The following MORC1 variants were observed in gnomAD, a reference collection of about 807,000 sequenced individuals.
MORC1 encodes the protein MORC family CW-type zinc finger protein 1.
In MORC1, 59 loss-of-function variants were observed where a neutral mutation model predicts 134.9. The observed-to-expected ratio is 0.44, with a 90% CI of 0.35 to 0.54. The LOEUF is 0.54. Among genes scored for constraint, MORC1 ranks in the 20% least tolerant of loss-of-function variants. The pLI is 0.00. For synonymous variants in MORC1, 395 were observed against 391.7 expected (o/e 1.01, Z -0.10); for missense variants, 947 against 1,134.5 (o/e 0.83, Z 2.37).
chr3:108,985,346 G>A (rs1187910146), intron 22 of MORC1, among the ~76,000 whole-genome samples: 1 of 152,220 alleles, frequency 6.6e-6, no homozygotes, highest in Admixed American at 6.5e-5. Context: ...CACTTGGATT[G>A]TTTTAAGAGT....
intron 9 of MORC1, among the ~76,000 whole-genome samples, chr3:109,067,282 T>C (rs1019527349): frequency 6.6e-6 from 1 of 152,224 alleles, no homozygotes; most frequent in Admixed American, 6.5e-5. Flanking sequence ...ATAACTTGTC[T>C]TTATTATATA....
chr3:109,093,337 G>T, intron 8 of MORC1, 99 bp downstream of exon 8: 1 of 846,944 alleles, frequency 1.2e-6, no homozygotes, highest in East Asian at 2.6e-5. Flanking sequence ...TTGTCCCAGT[G>T]CTAAAACCCA....
chr3:109,051,249 T>G (rs1949819831), intron 14 of MORC1, among the ~76,000 whole-genome samples: 1 of 152,190 alleles, frequency 6.6e-6, no homozygotes, highest in South Asian at 2.1e-4. Context: ...GCTGATTCGA[T>G]TTTTACAAGG....
intron 25 of MORC1, among the ~76,000 whole-genome samples, 176 bp from the exon 26 acceptor site, chr3:108,969,898 A>G (rs1395946543): frequency 6.6e-6 from 1 of 152,230 alleles, no homozygotes; most frequent in East Asian, 1.9e-4. Flanking sequence ...ACTAAATTAT[A>G]CTTTGCTTCC....
At chr3:109,070,085 C>T (rs1950284988) in intron 8 of MORC1, among the ~76,000 whole-genome samples, 1 of 152,130 alleles carries the variant, frequency 6.6e-6, no homozygotes, top group South Asian at 2.1e-4. Flanking sequence ...AGAACAAAGT[C>T]AAGTCAAATC....
At chr3:109,000,472 C>T in intron 21 of MORC1, 85 bp downstream of exon 21, 1 of 1,014,226 alleles carries the variant, frequency 9.9e-7, no homozygotes, top group Non-Finnish European at 1.4e-6. Flanking sequence ...TAAATGTTTC[C>T]ACTACTTTGA....
chr3:108,959,461 A>C (rs1011252069), intron 27 of MORC1, among the ~76,000 whole-genome samples: 6 of 152,120 alleles, frequency 3.9e-5, no homozygotes, highest in African/African-American at 1.2e-4. Flanking sequence ...AAAATTAATG[A>C]ATCTTTAGCC....
chr3:108,979,537 T>C lies in MORC1; in HGVS notation c.2455A>G (p.Arg819Gly), dbSNP rs779998138. ...SQSTPVKETV[R>G]KLKSKLREIL... ...TACCTTAACTTAGACTTCAGTTTTC[T>C]CACTGTTTCCTTGACAGGTGTGCTT... Residue 819 changes from arginine to glycine, a missense_variant, in exon 24 of 28, where the codon AGA becomes GGA. Arg to Gly is a moderately radical substitution (Grantham distance 125). Transcript: ENST00000232603. 2 of 1,613,900 alleles carry C rather than the reference T, an allele frequency of 1.2e-6. No individual in the cohort carries two copies. Among genetic ancestry groups the C allele is most frequent in the African/African-American group, 2.7e-5 (2 of 74,944 alleles).
intron 22 of MORC1, among the ~76,000 whole-genome samples, chr3:108,986,135 T>C (rs141255242): frequency 6.6e-6 from 1 of 152,272 alleles, no homozygotes; most frequent in Admixed American, 6.5e-5. Flanking sequence ...CTAAGATCTT[T>C]AAAACTTATT....
chr3:109,094,108 A>G (rs1238558079), intron 7 of MORC1, among the ~76,000 whole-genome samples: 2 of 152,320 alleles, frequency 1.3e-5, no homozygotes, highest in East Asian at 3.9e-4. Context: ...AATGGAGAAT[A>G]CATAAATGAA....
At chr3:109,101,724 T>C (rs955344468) in intron 4 of MORC1, among the ~76,000 whole-genome samples, 3 of 152,256 alleles carry the variant, frequency 2.0e-5, no homozygotes, top group Non-Finnish European at 2.9e-5. Flanking sequence ...TATACTTACA[T>C]GCACAGCTTA....
intron 9 of MORC1, among the ~76,000 whole-genome samples, chr3:109,068,630 T>G (rs1280969373): frequency 6.6e-6 from 1 of 152,208 alleles, no homozygotes; most frequent in East Asian, 1.9e-4. Flanking sequence ...GCATTTGGGT[T>G]GGCTCCATGA....
At chr3:109,083,496 C>T (rs1028392364) in intron 8 of MORC1, among the ~76,000 whole-genome samples, 19 of 152,150 alleles carry the variant, frequency 1.2e-4, no homozygotes, top group Admixed American at 5.9e-4. Flanking sequence ...TAGTGCTGGG[C>T]GCAGTGGCTC....
intron 21 of MORC1, among the ~76,000 whole-genome samples, chr3:108,995,680 G>A (rs866549705): frequency 1.8e-4 from 27 of 152,262 alleles, no homozygotes; most frequent in African/African-American, 6.0e-4. Flanking sequence ...CAAAAGCTGG[G>A]TCTTAGAAGA....
intron 24 of MORC1, among the ~76,000 whole-genome samples, chr3:108,976,642 G>A (rs1160018004): frequency 2.6e-5 from 4 of 152,132 alleles, no homozygotes; most frequent in Non-Finnish European, 5.9e-5. Context: ...GTTAAATCCT[G>A]TGTTCTGTCC....
intron 17 of MORC1, among the ~76,000 whole-genome samples, chr3:109,026,068 A>C (rs1949066874): frequency 1.3e-5 from 2 of 152,186 alleles, no homozygotes; most frequent in African/African-American, 4.8e-5. Context: ...TCACCTCAAA[A>C]TTAACTGGTT....
chr3:109,049,292 A>T (rs909137790), intron 14 of MORC1: 1 of 231,202 alleles, frequency 4.3e-6, no homozygotes, highest in Non-Finnish European at 7.1e-6. Context: ...ATATTCATGT[A>T]ACAAATATTA....
Position 109,035,421 on chromosome 3 carries a change from C to A in MORC1, c.1378G>T (p.Asp460Tyr), listed in dbSNP as rs1949352924. The change falls in exon 15 of 28, where the codon GAC (aspartate) becomes TAC (tyrosine). Residue 460 changes from aspartate to tyrosine, a missense_variant. Physicochemically the swap from Asp to Tyr is radical, Grantham distance 160. Transcript: ENST00000232603. ...TTTAAAGGTTTCTCCACATCGATGT[C>A]ATTCTGGTATCCAAATTCATTGCAA... Reference protein sequence around the residue: ...LFCNEFGYQNDIDVEKPLNSF... With the variant: ...LFCNEFGYQNYIDVEKPLNSF... 2.0e-6 allele frequency: 3 copies of A among 1,535,890 alleles called. No individual in the cohort carries two copies. In the Admixed American group the frequency reaches 5.4e-5, roughly 27 times the overall value.
intron 24 of MORC1, among the ~76,000 whole-genome samples, chr3:108,976,597 G>T (rs1947569474): frequency 6.6e-6 from 1 of 152,158 alleles, no homozygotes; most frequent in Non-Finnish European, 1.5e-5. Flanking sequence ...AAGCAAAAGA[G>T]AAAACTGGTA....
Sources: gnomAD v4.1 joint callset for allele counts (sites outside exome capture counted in the v4.1 genomes callset) on GRCh38, gnomAD v4.1.1 for gene constraint, MANE v1.5 for transcripts, NCBI Gene and HGNC (gene_info 2026-07-23, HGNC 2026-07-21) for gene names.